Variants in IQSEC1 observed in about 807,000 individuals in gnomAD.
IQSEC1 encodes IQ motif and Sec7 domain ArfGEF 1.
IQSEC1 carries 31 observed loss-of-function variants against 91.0 expected under a neutral mutation model. That is an observed-to-expected ratio of 0.34 (90% confidence interval 0.26 to 0.46). The LOEUF is 0.46. IQSEC1 is among the 20% of genes least tolerant of loss of function. IQSEC1 has a pLI of 1.00. For missense variants in IQSEC1, 1,388 were observed against 1,575.6 expected, an observed-to-expected ratio of 0.88 and a Z score of 2.02; for synonymous variants, 699 against 662.6, an observed-to-expected ratio of 1.05 and a Z score of -0.84.
intron 1 of IQSEC1, among the ~76,000 whole-genome samples, chr3:12,952,772 G>A (rs1699641831): frequency 6.6e-6 from 1 of 152,220 alleles, no homozygotes; most frequent in Non-Finnish European, 1.5e-5. Context: ...CCCCCAGGCT[G>A]CCTGGCTCCC....
At chr3:13,237,905 C>T (rs1694959574) in intron 1 of IQSEC1, among the ~76,000 whole-genome samples, 1 of 152,206 alleles carries the variant, frequency 6.6e-6, no homozygotes, top group South Asian at 2.1e-4. Context: ...GGGGGCGGGC[C>T]GAGGTCACTC....
intron 12 of IQSEC1, 28 bp from the exon 13 acceptor site, chr3:12,902,850 T>TA (rs771082431): frequency 5.7e-6 from 9 of 1,589,630 alleles, no homozygotes; most frequent in Non-Finnish European, 7.8e-6. Flanking sequence ...TACCAGAAGT[T>TA]AGACGCGGAC....
At chr3:13,280,530 G>A (rs1332156477) in intron 1 of IQSEC1, among the ~76,000 whole-genome samples, 1 of 152,166 alleles carries the variant, frequency 6.6e-6, no homozygotes, top group East Asian at 1.9e-4. Flanking sequence ...AAAAGACTAG[G>A]GAGTGAATCA....
In IQSEC1 at chr3:12,922,308, C is replaced by A. The variant is rs190223658; in HGVS notation, c.1731-66G>T. Reference sequence around the variant, plus strand: ...AGGTGCGACACGCCCAGCCCACCCCCAGGTGGTGGTGCCTGAAGCCCTGGG... The same window carrying A: ...AGGTGCGACACGCCCAGCCCACCCCAAGGTGGTGGTGCCTGAAGCCCTGGG... On this transcript the variant is annotated intron_variant, in intron 4 of 13. Transcript: ENST00000613206. The surrounding 1 kb of genome is among the most constrained non-coding windows in gnomAD (Gnocchi z 5.1). 2 of 1,455,090 alleles carry A rather than the reference C, an allele frequency of 1.4e-6. No homozygotes were observed. The highest frequency in any genetic ancestry group is 2.9e-5 in the South Asian group (2 of 70,018). 90.1% of individuals were successfully genotyped at this position (1,455,090 alleles called of 1,614,324 possible). A position where few individuals can be genotyped will look rare whatever the true frequency, so the allele number is the denominator to read the frequency against.
At chr3:13,023,250 T>G (rs1703480552) in intron 1 of IQSEC1, among the ~76,000 whole-genome samples, 3 of 152,228 alleles carry the variant, frequency 2.0e-5, no homozygotes, top group Middle Eastern at 3.4e-3. Context: ...CCTTGGGGTC[T>G]GGGCCCAGGC....
rs1694008961 is a variant in IQSEC1, at chr3:12,899,539, A to C, written c.*1444T>G. The stretch of plus-strand genomic sequence containing the variant: ...CACAACACAGAAGCGACAAGAGCAC[A>C]GCTGAGAGTCATGTGATGCCCTGGC... On this transcript the variant is annotated 3_prime_UTR_variant, in exon 14 of 14. Transcript: ENST00000613206. The C allele has an allele frequency of 6.6e-7, 1 of 1,517,424 alleles. No individual in the cohort carries two copies. The highest frequency in any genetic ancestry group is 8.9e-7 in the Non-Finnish European group (1 of 1,123,440). The allele number at this position is 1,517,424 out of a possible 1,614,324, so 94.0% of individuals were successfully genotyped here. A position where few individuals can be genotyped will look rare whatever the true frequency, so the allele number is the denominator to read the frequency against.
chr3:13,180,036 G>A (rs1051483143), intron 1 of IQSEC1, among the ~76,000 whole-genome samples: 3 of 152,166 alleles, frequency 2.0e-5, no homozygotes, highest in South Asian at 4.1e-4. Context: ...GAGCCTCCCC[G>A]ACGAGCACCG....
chr3:12,979,089 G>A lies in IQSEC1; in HGVS notation c.24-37224C>T, dbSNP rs941003313. On this transcript the variant is annotated intron_variant, in intron 1 of 13. Coordinates refer to ENST00000613206, the MANE Select transcript of IQSEC1 (RefSeq NM_001134382.3). This position sits in a 1 kb window ranked among gnomAD's most constrained non-coding sequence, Gnocchi z 4.3. ...TGTGAGGGTGTAAGCAGGAGTGGGA[G>A]TGACCTGGGTTTAGTTTTCCCAACA... 6.6e-6 allele frequency among the ~76,000 whole-genome samples: 1 copy of A among 152,184 alleles called. No homozygotes were observed. The highest frequency in any genetic ancestry group is 1.5e-5 in the Non-Finnish European group (1 of 68,030).
rs190512029 is a variant in IQSEC1, at chr3:13,240,985, T to A, written c.272+41726A>T. Among the ~76,000 whole-genome samples the A allele has an allele frequency of 3.5e-3, 539 of 152,300 alleles. 2 individuals carry two copies. The highest frequency in any genetic ancestry group is 0.024 in the Middle Eastern group (7 of 294). Reference sequence around the variant, plus strand: ...CTAAGTGATCAACTTCAGCAGCATGTCCCAGTTTCTGTTTGGCAGTGCACA... The same window carrying A: ...CTAAGTGATCAACTTCAGCAGCATGACCCAGTTTCTGTTTGGCAGTGCACA... On this transcript the variant is annotated intron_variant, in intron 1 of 15. Transcript: ENST00000648114.
chr3:13,164,848 G>A (rs1190939977), intron 1 of IQSEC1, among the ~76,000 whole-genome samples: 1 of 152,228 alleles, frequency 6.6e-6, no homozygotes, highest in Non-Finnish European at 1.5e-5. Context: ...AGGGCTTTGA[G>A]CAAACACATT....
intron 1 of IQSEC1, among the ~76,000 whole-genome samples, chr3:13,019,778 T>C (rs544420491): frequency 3.7e-4 from 56 of 152,232 alleles, no homozygotes; most frequent in Middle Eastern, 6.8e-3. Context: ...TCTCCTCTCA[T>C]TGGTGGTGAG....
intron 2 of IQSEC1, among the ~76,000 whole-genome samples, chr3:13,158,887 A>T (rs1267921810): frequency 6.6e-6 from 1 of 152,084 alleles, no homozygotes; most frequent in Non-Finnish European, 1.5e-5. Context: ...GCTGGAACCC[A>T]GGAGGCGGAG....
At chr3:12,963,977 T>C (rs1337523711) in intron 1 of IQSEC1, among the ~76,000 whole-genome samples, 2 of 152,254 alleles carry the variant, frequency 1.3e-5, no homozygotes, top group Non-Finnish European at 2.9e-5. Flanking sequence ...CAACTGGCTA[T>C]GTCCGCCATG....
At chr3:13,153,952 T>G (rs1559265344) in intron 2 of IQSEC1, among the ~76,000 whole-genome samples, 1 of 151,424 alleles carries the variant, frequency 6.6e-6, no homozygotes, top group African/African-American at 2.4e-5. Flanking sequence ...ACATGTGTAG[T>G]GGGAGGGGAA....
Position 12,899,548 on chromosome 3 carries a change from T to G in IQSEC1, c.*1435A>C, listed in dbSNP as rs1393461774. On this transcript the variant is annotated 3_prime_UTR_variant, in exon 14 of 14. Coordinates refer to ENST00000613206, the MANE Select transcript of IQSEC1 (RefSeq NM_001134382.3). The stretch of plus-strand genomic sequence containing the variant: ...GAAGCGACAAGAGCACAGCTGAGAG[T>G]CATGTGATGCCCTGGCAGCTCACTG... 3.3e-6 allele frequency: 5 copies of G among 1,507,376 alleles called. No individual in the cohort carries two copies. In the South Asian group the frequency reaches 3.7e-5, roughly 11 times the overall value. The allele number at this position is 1,507,376 out of a possible 1,614,324, so 93.4% of individuals were successfully genotyped here.
At chr3:13,222,637 G>A (rs890531321) in intron 1 of IQSEC1, among the ~76,000 whole-genome samples, 2 of 152,216 alleles carry the variant, frequency 1.3e-5, no homozygotes, top group Non-Finnish European at 2.9e-5. Context: ...ACCAACCAGA[G>A]AATGGCCTCT....
At chr3:13,261,959 T>C (rs1263466852) in intron 1 of IQSEC1, among the ~76,000 whole-genome samples, 1 of 152,256 alleles carries the variant, frequency 6.6e-6, no homozygotes, top group Non-Finnish European at 1.5e-5. Flanking sequence ...CATAAATCAG[T>C]ACACTTGACA....
intron 1 of IQSEC1, among the ~76,000 whole-genome samples, chr3:12,969,750 C>T (rs938881055): frequency 2.6e-5 from 4 of 152,192 alleles, no homozygotes; most frequent in African/African-American, 9.7e-5. Flanking sequence ...GCCCTGCCGC[C>T]CAGCAGGATG....
At chr3:13,083,746 C>T (rs914955619) in intron 2 of IQSEC1, among the ~76,000 whole-genome samples, 53 of 152,270 alleles carry the variant, frequency 3.5e-4, no homozygotes, top group Non-Finnish European at 6.3e-4. Context: ...ATGTCCCGTG[C>T]ATAGCTGGGA....
Sources: gnomAD v4.1 joint callset for allele counts (sites outside exome capture counted in the v4.1 genomes callset) on GRCh38, gnomAD v4.1.1 for gene constraint, Gnocchi (gnomAD v3.1) non-coding constraint, MANE v1.5 for transcripts, NCBI Gene and HGNC (gene_info 2026-07-23, HGNC 2026-07-21) for gene names.